CNGB3: variants seen among roughly 807,000 people sequenced by gnomAD.
The protein encoded by CNGB3 is cyclic nucleotide-gated channel beta-3.
CNGB3 carries 86 observed loss-of-function variants against 92.8 expected under a neutral mutation model. The ratio of observed to expected loss-of-function variants is 0.93; its 90% CI spans 0.78 to 1.11. CNGB3 has a LOEUF of 1.11. Among genes scored for constraint, CNGB3 ranks in the 50% least tolerant of loss-of-function variants. The pLI is 0.00. For synonymous variants in CNGB3, 333 were observed against 332.7 expected, an observed-to-expected ratio of 1.00 and a Z score of -0.01; for missense variants, 1,026 against 956.8, an observed-to-expected ratio of 1.07 and a Z score of -0.95.
intron 13 of CNGB3, among the ~76,000 whole-genome samples, chr8:86,620,522 C>T (rs1460786956): frequency 3.9e-5 from 6 of 152,182 alleles, no homozygotes; most frequent in Non-Finnish European, 5.9e-5. Context: ...TCCTCCTAGC[C>T]TCATTTTAAC....
chr8:86,604,192 A>G lies in CNGB3; in HGVS notation c.1682T>C (p.Met561Thr). ...VCKKGEIGKE[M>T]YIIKHGEVQV... is the part of the protein sequence containing the mutation. ...GACTTCTCCATGCTTGATGATATAC[A>G]TTTCCTTGCCAATTTCTCCCTACAT... The change falls in exon 15 of 18, where the codon ATG (methionine) becomes ACG (threonine). Residue 561 changes from methionine to threonine, a missense_variant. Physicochemically the swap from Met to Thr is moderately conservative, Grantham distance 81. Transcript: ENST00000320005. 1 of 1,611,490 alleles carries G rather than the reference A, an allele frequency of 6.2e-7. No homozygotes were observed. The highest frequency in any genetic ancestry group is 8.5e-7 in the Non-Finnish European group (1 of 1,177,754).
intron 3 of CNGB3, among the ~76,000 whole-genome samples, chr8:86,675,409 A>T (rs1033068957): frequency 6.6e-6 from 1 of 151,992 alleles, no homozygotes; most frequent in Admixed American, 6.6e-5. Flanking sequence ...GAGGAAACTC[A>T]TATTGGATAG....
chr8:86,576,802 T>C (rs1018157617), intron 17 of CNGB3, among the ~76,000 whole-genome samples: 4 of 152,242 alleles, frequency 2.6e-5, no homozygotes, highest in African/African-American at 9.6e-5. Flanking sequence ...CATTTACTTA[T>C]ATATTTCTTT....
intron 3 of CNGB3, among the ~76,000 whole-genome samples, chr8:86,711,819 C>A (rs936429384): frequency 1.5e-3 from 87 of 59,088 alleles, no homozygotes; most frequent in African/African-American, 0.013. Flanking sequence ...GTTTACCACT[C>A]TCTCTCTCTC....
At chr8:86,695,365 T>A (rs12548257) in intron 3 of CNGB3, among the ~76,000 whole-genome samples, 4 of 74,646 alleles carry the variant, frequency 5.4e-5, no homozygotes, top group African/African-American at 3.5e-4. Flanking sequence ...TTTTAAAAAA[T>A]TATTTTTTTC....
At chr8:86,628,798 TA>T in intron 12 of CNGB3, 120 bp downstream of exon 12, 1 of 1,072,558 alleles carries the variant, frequency 9.3e-7, no homozygotes, top group Non-Finnish European at 1.4e-6. Context: ...ACGAATGCTT[TA>T]AGGATCATTT....
chr8:86,659,092 C>A, intron 6 of CNGB3: 1 of 762,612 alleles, frequency 1.3e-6, no homozygotes. Flanking sequence ...AGGGGTTCAG[C>A]GATCTGTTCC....
chr8:86,623,405 G>A (rs1432178653), intron 13 of CNGB3, among the ~76,000 whole-genome samples: 1 of 152,070 alleles, frequency 6.6e-6, no homozygotes, highest in Non-Finnish European at 1.5e-5. Flanking sequence ...CAAGATCAAG[G>A]CATTAGCAGG....
At chr8:86,701,071 CCTAGAACAAATG>C (rs766309707) in intron 3 of CNGB3, among the ~76,000 whole-genome samples, 4 of 152,192 alleles carry the variant, frequency 2.6e-5, no homozygotes, top group Non-Finnish European at 5.9e-5. Flanking sequence ...GCCTCCGCAG[CCTAGAACAAATG>C]CTTTAATTTT....
chr8:86,643,609 AT>A, intron 10 of CNGB3, 141 bp downstream of exon 10: 1 of 854,468 alleles, frequency 1.2e-6, no homozygotes, highest in Non-Finnish European at 1.8e-6. Context: ...ACATGATTTT[AT>A]CCTTTTTTAT....
At chr8:86,739,773 TTA>T (rs1825310655) in intron 1 of CNGB3, 37 bp from the exon 2 acceptor site, 1 of 1,607,500 alleles carries the variant, frequency 6.2e-7, no homozygotes, top group African/African-American at 1.3e-5. Flanking sequence ...TGTGATGAAT[TTA>T]CATAAAAATG....
At chr8:86,668,511 A>G (rs946123670) in intron 4 of CNGB3, among the ~76,000 whole-genome samples, 9 of 152,310 alleles carry the variant, frequency 5.9e-5, no homozygotes, top group Non-Finnish European at 1.3e-4. Context: ...TGAATTTCTT[A>G]AAGTCGGAAC....
intron 6 of CNGB3, chr8:86,657,403 T>C (rs1563743215): frequency 8.3e-6 from 4 of 482,866 alleles, no homozygotes; most frequent in South Asian, 6.5e-5. Context: ...GATCTTCACC[T>C]CATTTCTTGT....
intron 6 of CNGB3, among the ~76,000 whole-genome samples, chr8:86,665,673 C>A (rs968876208): frequency 5.3e-5 from 8 of 152,074 alleles, no homozygotes; most frequent in African/African-American, 1.9e-4. Context: ...CATGTTTTCA[C>A]TTATAAGTGA....
rs545347043 is a variant in CNGB3, at chr8:86,662,049, G to A, written c.852+4876C>T. 62 of 292,380 alleles carry A rather than the reference G, an allele frequency of 2.1e-4. 1 individual carries two copies. In the South Asian group the frequency reaches 5.0e-3, roughly 23 times the overall value. The allele number at this position is 292,380 out of a possible 1,614,324, so 18.1% of individuals were successfully genotyped here. A position where few individuals can be genotyped will look rare whatever the true frequency, so the allele number is the denominator to read the frequency against. ...ACTGGCCCAGGTGCAGGGCTGCGAGGGTGCGCTGCTGTCCCCGTGCCGCCG... is the reference window on the plus strand; with the variant it reads ...ACTGGCCCAGGTGCAGGGCTGCGAGAGTGCGCTGCTGTCCCCGTGCCGCCG... On this transcript the variant is annotated intron_variant, in intron 6 of 17. Coordinates refer to ENST00000320005, the MANE Select transcript of CNGB3 (RefSeq NM_019098.5).
At position 86,719,249 on chromosome 8, in the gene CNGB3, A is replaced by G. The variant is rs183079556; in HGVS notation, c.338+7282T>C. Among the ~76,000 whole-genome samples, 6 of 152,242 alleles carry G rather than the reference A, an allele frequency of 3.9e-5. No homozygotes were observed. The East Asian group carries it at 1.2e-3, about 29-fold the overall frequency. On this transcript the variant is annotated intron_variant, in intron 3 of 17. Transcript: ENST00000320005. ...CAGACTGTCGCTATTTGCTGATGAT[A>G]TAATCTTATAGGAGGAAAACCCTAA... is the stretch of plus-strand genomic sequence containing the variant.
intron 1 of CNGB3, among the ~76,000 whole-genome samples, chr8:86,741,678 A>C (rs112356012): frequency 0.063 from 9,615 of 152,118 alleles, 398 homozygotes; most frequent in East Asian, 0.13. Flanking sequence ...AAAAAACAAA[A>C]AAAAAAAATC....
At chr8:86,668,958 G>A (rs905468919) in intron 4 of CNGB3, among the ~76,000 whole-genome samples, 1 of 152,132 alleles carries the variant, frequency 6.6e-6, no homozygotes, top group South Asian at 2.1e-4. Context: ...GTTAGAGGCG[G>A]CAGTCAGCTA....
chr8:86,717,927 C>T (rs986431508), intron 3 of CNGB3, among the ~76,000 whole-genome samples: 3 of 152,016 alleles, frequency 2.0e-5, no homozygotes, highest in Non-Finnish European at 2.9e-5. Context: ...GGGTCAACAA[C>T]GAAATCAAGA....
Sources: allele counts gnomAD v4.1 joint callset (sites outside exome capture counted in the v4.1 genomes callset), GRCh38; gene constraint gnomAD v4.1.1; transcripts MANE v1.5; gene names NCBI Gene and HGNC (gene_info 2026-07-23, HGNC 2026-07-21).